The following CYB5R4 variants were observed in gnomAD, a reference collection of about 807,000 sequenced individuals.
CYB5R4 encodes N-terminal cytochrome b5 and cytochrome b5 oxidoreductase domain-containing protein.
A neutral mutation model predicts 70.2 loss-of-function variants in CYB5R4; 55 were observed. The observed-to-expected ratio is 0.78, with a 90% confidence interval of 0.63 to 0.98. The LOEUF is 0.98. CYB5R4 is among the 50% of genes least tolerant of loss of function. The pLI, the probability that CYB5R4 is intolerant of heterozygous loss-of-function variation, is 0.00. For synonymous variants in CYB5R4, 197 were observed against 199.5 expected, an observed-to-expected ratio of 0.99 and a Z score of 0.11; for missense variants, 562 against 612.6, an observed-to-expected ratio of 0.92 and a Z score of 0.87.
chr6:83,864,762 C>T (rs1232523352), intron 2 of CYB5R4, among the ~76,000 whole-genome samples: 2 of 152,184 alleles, frequency 1.3e-5, no homozygotes, highest in Non-Finnish European at 2.9e-5. Context: ...TCAGTTTTCA[C>T]TTGCAGCAAT....
intron 3 of CYB5R4, among the ~76,000 whole-genome samples, chr6:83,908,307 T>C (rs2099464128): frequency 6.6e-6 from 1 of 152,028 alleles, no homozygotes; most frequent in South Asian, 2.1e-4. Context: ...AGTTCTGAGG[T>C]ATATGTGCAG....
rs543094216 is a variant in CYB5R4 at position 83,900,952 on chromosome 6, A to G, written c.330+7330A>G. Among the ~76,000 whole-genome samples the G allele has an allele frequency of 2.6e-4, 39 of 152,330 alleles. No homozygotes were observed. The South Asian group carries it at 6.8e-3, about 27-fold the overall frequency. On this transcript the variant is annotated intron_variant, in intron 3 of 15. Coordinates refer to ENST00000369681, the MANE Select transcript of CYB5R4 (RefSeq NM_016230.4). ...CTGTTTTGTGTCTTTTAATTGGAGCATTCAGCCCATTTATGTTTAATGTTA... is the reference window on the plus strand; with the variant it reads ...CTGTTTTGTGTCTTTTAATTGGAGCGTTCAGCCCATTTATGTTTAATGTTA...
intron 3 of CYB5R4, 120 bp from the exon 4 acceptor site, chr6:83,908,889 T>C: frequency 1.4e-6 from 1 of 691,650 alleles, no homozygotes; most frequent in Non-Finnish European, 2.6e-6. Flanking sequence ...TGAATATGCT[T>C]CTTAGTTTTT....
At chr6:83,910,697 G>A (rs556478984) in intron 4 of CYB5R4, among the ~76,000 whole-genome samples, 50 of 152,192 alleles carry the variant, frequency 3.3e-4, no homozygotes, top group Non-Finnish European at 2.9e-4. Context: ...GAAAGGAATC[G>A]TAATCCCTCT....
intron 3 of CYB5R4, among the ~76,000 whole-genome samples, chr6:83,902,259 C>A (rs1280337563): frequency 6.6e-6 from 1 of 152,102 alleles, no homozygotes; most frequent in Non-Finnish European, 1.5e-5. Context: ...TTTCCCAGCA[C>A]CATTTATTGA....
At chr6:83,899,617 C>G (rs1279473122) in intron 3 of CYB5R4, among the ~76,000 whole-genome samples, 1 of 152,120 alleles carries the variant, frequency 6.6e-6, no homozygotes, top group African/African-American at 2.4e-5. Context: ...GGTTGGTAAG[C>G]TATTAATTAT....
intron 14 of CYB5R4, among the ~76,000 whole-genome samples, chr6:83,942,216 G>A (rs986321150): frequency 6.6e-6 from 1 of 152,170 alleles, no homozygotes; most frequent in Non-Finnish European, 1.5e-5. Context: ...CCGGTCTGCA[G>A]CTCCCAGCGA....
rs533695528 is a variant in CYB5R4 at position 83,859,972 on chromosome 6, C to T, written c.75+115C>T. 9.1e-5 allele frequency: 92 copies of T among 1,011,078 alleles called. 1 individual carries two copies. In the South Asian group the frequency reaches 1.4e-3, roughly 16 times the overall value. The allele number at this position is 1,011,078 out of a possible 1,614,324, so 62.6% of individuals were successfully genotyped here. A position where few individuals can be genotyped will look rare whatever the true frequency, so the allele number is the denominator to read the frequency against. ...GCACCCCTCTCTAAGCTGTCGTTCCCTGCTGTCCTTGCCTGCAACCTCTTT... is the reference window on the plus strand; with the variant it reads ...GCACCCCTCTCTAAGCTGTCGTTCCTTGCTGTCCTTGCCTGCAACCTCTTT... On this transcript the variant is annotated intron_variant, in intron 1 of 15. Transcript: ENST00000369681.
At chr6:83,943,488 A>G (rs1365929452) in intron 14 of CYB5R4, among the ~76,000 whole-genome samples, 5 of 152,206 alleles carry the variant, frequency 3.3e-5, no homozygotes, top group Non-Finnish European at 7.3e-5. Context: ...CCAAAGGTAG[A>G]TAAATCCACG....
intron 2 of CYB5R4, among the ~76,000 whole-genome samples, chr6:83,876,669 A>G (rs897933474): frequency 1.3e-5 from 2 of 152,096 alleles, no homozygotes; most frequent in African/African-American, 2.4e-5. Flanking sequence ...TTACTTCTAT[A>G]TAAGCTGAAA....
intron 2 of CYB5R4, among the ~76,000 whole-genome samples, chr6:83,874,147 TCCCCTCCCTTCCCC>T (rs2099458137): frequency 6.2e-5 from 1 of 16,226 alleles, no homozygotes; most frequent in African/African-American, 3.2e-4. Flanking sequence ...TCCCTTCCCC[TCCCCTCCCTTCCCC>T]TCCCCTCCCC....
intron 3 of CYB5R4, among the ~76,000 whole-genome samples, chr6:83,905,601 C>A (rs915897110): frequency 4.6e-5 from 7 of 151,906 alleles, no homozygotes; most frequent in African/African-American, 1.7e-4. Flanking sequence ...TCTTTGGGCC[C>A]CAGTGGTGGG....
rs544557000 is a variant in CYB5R4 at position 83,912,438 on chromosome 6, ATCC to A, written c.413-1973_413-1971del. On this transcript the variant is annotated intron_variant, in intron 4 of 15. Coordinates refer to ENST00000369681, the MANE Select transcript of CYB5R4 (RefSeq NM_016230.4). ...ACTGGATCTTTCTTTATTCCAGGGT[ATCC>A]TCCTGTGCCTCTGCTCAGCAGAGGT... 3.1e-3 allele frequency among the ~76,000 whole-genome samples: 477 copies of A among 152,292 alleles called. 4 individuals are homozygous for A. Among genetic ancestry groups the A allele is most frequent in the African/African-American group, 0.011 (458 of 41,562 alleles).
At chr6:83,924,142 CTTTTT>C (rs35960110) in intron 9 of CYB5R4, among the ~76,000 whole-genome samples, 1 of 129,928 alleles carries the variant, frequency 7.7e-6, no homozygotes, top group Non-Finnish European at 1.6e-5. Context: ...ACATCTCAAC[CTTTTT>C]TTTTTTTTTT....
chr6:83,933,013 G>A (rs574065527), intron 10 of CYB5R4, among the ~76,000 whole-genome samples: 47 of 152,240 alleles, frequency 3.1e-4, no homozygotes, highest in African/African-American at 4.1e-4. Context: ...GATTTATAAC[G>A]TTAAATATTT....
At chr6:83,924,796 T>G (rs138583669) in intron 10 of CYB5R4, among the ~76,000 whole-genome samples, 379 of 152,308 alleles carry the variant, frequency 2.5e-3, no homozygotes, top group African/African-American at 7.6e-3. Flanking sequence ...ATCTAATGTT[T>G]AGGCATAGCA....
At chr6:83,926,746 AT>A (rs1290706383) in intron 10 of CYB5R4, among the ~76,000 whole-genome samples, 1 of 152,000 alleles carries the variant, frequency 6.6e-6, no homozygotes, top group Non-Finnish European at 1.5e-5. Context: ...AACTTCTTAT[AT>A]TTTGCTCATG....
Position 83,934,797 on chromosome 6 carries a change from C to A in CYB5R4, c.955+62C>A, listed in dbSNP as rs1037556695. ...TTTTATAAGCAGTTCAAAATCAGTACTATTCTCTCTAGAAAACAACCATTT... is the reference window on the plus strand; with the variant it reads ...TTTTATAAGCAGTTCAAAATCAGTAATATTCTCTCTAGAAAACAACCATTT... On this transcript the variant is annotated intron_variant, in intron 11 of 15. Transcript: ENST00000369681. 1.3e-5 allele frequency: 18 copies of A among 1,392,602 alleles called. No homozygotes were observed. In the African/African-American group the frequency reaches 2.2e-4, roughly 17 times the overall value. The allele number at this position is 1,392,602 out of a possible 1,614,324, so 86.3% of individuals were successfully genotyped here.
Position 83,893,606 on chromosome 6 carries a change from C to G in CYB5R4, c.314C>G (p.Thr105Ser). 1 of 1,610,270 alleles carries G rather than the reference C, an allele frequency of 6.2e-7. No homozygotes were observed. The highest frequency in any genetic ancestry group is 1.3e-5 in the African/African-American group (1 of 74,934). The change falls in exon 3 of 16, where the codon ACT becomes AGT. Residue 105 changes from threonine to serine, a missense_variant. Thr to Ser is a moderately conservative substitution (Grantham distance 58, BLOSUM62 1). Coordinates refer to ENST00000369681, the MANE Select transcript of CYB5R4 (RefSeq NM_016230.4). ...ATGAGAGCAGCAGGATCAGATGGTA[C>G]TGAACTTTTTGATCAGGTAAGATGT... ...ELMRAAGSDG[T>S]ELFDQVHRWV... is the part of the protein sequence containing the mutation.
Sources: gnomAD v4.1 joint callset for allele counts (sites outside exome capture counted in the v4.1 genomes callset) on GRCh38, gnomAD v4.1.1 for gene constraint, MANE v1.5 for transcripts, NCBI Gene and HGNC (gene_info 2026-07-23, HGNC 2026-07-21) for gene names.